Variants in MSRA observed in about 807,000 individuals in gnomAD.
The protein encoded by MSRA is methionine sulfoxide reductase A, also known as mitochondrial peptide methionine sulfoxide reductase.
Under a neutral mutation model 31.3 loss-of-function variants are expected in MSRA, and 54 were observed. That is an observed-to-expected ratio of 1.73 (90% confidence interval 1.39 to 2.17). MSRA has a LOEUF of 2.17. Ranked by LOEUF, MSRA falls within the 30% of genes most tolerant of loss-of-function variation. MSRA has a pLI of 0.00. For missense variants in MSRA, 507 were observed against 300.9 expected (o/e 1.69, Z -5.07); for synonymous variants, 169 against 116.5 (o/e 1.45, Z -2.90).
chr8:10,118,363 C>T (rs1585188028), intron 1 of MSRA, among the ~76,000 whole-genome samples: 1 of 152,122 alleles, frequency 6.6e-6, no homozygotes, highest in African/African-American at 2.4e-5. Context: ...CTATGTAAAT[C>T]ATGGCTCCAA....
chr8:10,189,771 G>A (rs1807354322), intron 1 of MSRA, among the ~76,000 whole-genome samples: 1 of 152,028 alleles, frequency 6.6e-6, no homozygotes, highest in South Asian at 2.1e-4. Context: ...GTTCATAAAG[G>A]GGATCTGTCT....
At chr8:10,106,818 C>T (rs1799912984) in intron 1 of MSRA, among the ~76,000 whole-genome samples, 2 of 150,892 alleles carry the variant, frequency 1.3e-5, no homozygotes, top group African/African-American at 2.5e-5. Flanking sequence ...GCTACCCACC[C>T]ACCTACCTAC....
At chr8:10,167,698 C>A (rs752075968) in intron 1 of MSRA, among the ~76,000 whole-genome samples, 1 of 152,106 alleles carries the variant, frequency 6.6e-6, no homozygotes, top group Non-Finnish European at 1.5e-5. Flanking sequence ...GTCTTAGGTT[C>A]ATCTTAGGGA....
intron 5 of MSRA, among the ~76,000 whole-genome samples, chr8:10,422,947 C>A (rs1219254986): frequency 6.6e-6 from 1 of 152,244 alleles, no homozygotes; most frequent in Non-Finnish European, 1.5e-5. Context: ...GCACAGTCCC[C>A]TGAGGGCACC....
At chr8:10,077,971 A>G (rs1450755329) in intron 1 of MSRA, among the ~76,000 whole-genome samples, 1 of 152,202 alleles carries the variant, frequency 6.6e-6, no homozygotes, top group Non-Finnish European at 1.5e-5. Flanking sequence ...ATTCACTAAT[A>G]TTTTCAGTTT....
chr8:10,136,606 T>G (rs183367869), intron 1 of MSRA, among the ~76,000 whole-genome samples: 5 of 151,942 alleles, frequency 3.3e-5, no homozygotes, highest in Non-Finnish European at 7.3e-5. Context: ...TTGTAGCATA[T>G]CTCTTTTGAC....
At chr8:10,290,830 T>C (rs1800194337) in intron 3 of MSRA, among the ~76,000 whole-genome samples, 1 of 152,234 alleles carries the variant, frequency 6.6e-6, no homozygotes, top group African/African-American at 2.4e-5. Flanking sequence ...ACTGCATTGG[T>C]TCTCTTGGCT....
chr8:10,236,851 C>T (rs1358108750), intron 2 of MSRA, among the ~76,000 whole-genome samples: 2 of 152,082 alleles, frequency 1.3e-5, no homozygotes, highest in African/African-American at 4.8e-5. Context: ...TGGCCAAATG[C>T]TTAAGATCTT....
intron 5 of MSRA, among the ~76,000 whole-genome samples, chr8:10,334,401 G>A (rs561893461): frequency 1.2e-3 from 186 of 152,160 alleles, no homozygotes; most frequent in African/African-American, 4.2e-3. Context: ...CTATAAAGTG[G>A]CTCCGGAGTG....
chr8:10,386,550 G>A (rs1460216021), intron 5 of MSRA, among the ~76,000 whole-genome samples: 3 of 152,158 alleles, frequency 2.0e-5, no homozygotes, highest in Admixed American at 2.0e-4. Flanking sequence ...GTCTTTTCCA[G>A]TGGTTCTCAA....
At chr8:10,292,159 G>A (rs34686326) in intron 3 of MSRA, among the ~76,000 whole-genome samples, 4 of 152,230 alleles carry the variant, frequency 2.6e-5, no homozygotes, top group Admixed American at 1.3e-4. Flanking sequence ...TCAGTGGTTA[G>A]GGACAGAGGG....
chr8:10,119,186 G>A (rs1021982294), intron 1 of MSRA, among the ~76,000 whole-genome samples: 7 of 152,194 alleles, frequency 4.6e-5, no homozygotes, highest in African/African-American at 1.7e-4. Context: ...GCGAATTAAA[G>A]CCATTAACTC....
chr8:10,210,897 C>G (rs561846450), intron 2 of MSRA, among the ~76,000 whole-genome samples: 10 of 145,474 alleles, frequency 6.9e-5, no homozygotes, highest in South Asian at 4.4e-4. Context: ...CCACGCTCAC[C>G]TTTTTTTTTT....
chr8:10,388,742 C>T (rs139741836), intron 5 of MSRA, among the ~76,000 whole-genome samples: 22 of 152,040 alleles, frequency 1.4e-4, no homozygotes, highest in Non-Finnish European at 2.5e-4. Flanking sequence ...TGGCTTTTGA[C>T]GTTTGGAGCC....
At chr8:10,361,345 A>C (rs1804833977) in intron 5 of MSRA, among the ~76,000 whole-genome samples, 3 of 152,186 alleles carry the variant, frequency 2.0e-5, no homozygotes, top group African/African-American at 7.2e-5. Context: ...CTGTCTCCGA[A>C]GTTTATTAAA....
intron 1 of MSRA, among the ~76,000 whole-genome samples, chr8:10,089,150 A>T (rs1460896300): frequency 3.3e-5 from 5 of 151,894 alleles, no homozygotes; most frequent in African/African-American, 7.3e-5. Flanking sequence ...ACACACACAC[A>T]CACACACACA....
At chr8:10,098,043 A>G (rs1161870846) in intron 1 of MSRA, among the ~76,000 whole-genome samples, 3 of 152,154 alleles carry the variant, frequency 2.0e-5, no homozygotes, top group Non-Finnish European at 4.4e-5. Flanking sequence ...TTTAAAAAAA[A>G]GTGTGATTAA....
intron 5 of MSRA, among the ~76,000 whole-genome samples, chr8:10,408,920 A>C (rs919823729): frequency 1.3e-5 from 2 of 152,240 alleles, no homozygotes; most frequent in African/African-American, 4.8e-5. Context: ...ATGGCTGAGT[A>C]GTATTCCATG....
At chr8:10,277,552 C>T (rs553756968) in intron 3 of MSRA, among the ~76,000 whole-genome samples, 34 of 152,330 alleles carry the variant, frequency 2.2e-4, no homozygotes, top group African/African-American at 6.5e-4. Context: ...GGTTCCAATA[C>T]AGTCGTCTTG....
Sources: gnomAD v4.1 joint callset for allele counts (sites outside exome capture counted in the v4.1 genomes callset) on GRCh38, gnomAD v4.1.1 for gene constraint, MANE v1.5 for transcripts, NCBI Gene and HGNC (gene_info 2026-07-23, HGNC 2026-07-21) for gene names.